The following CDH10 variants were observed in gnomAD, a reference collection of about 807,000 sequenced individuals.
CDH10 encodes the protein cadherin 10, also known as cadherin-10.
A neutral mutation model predicts 73.1 loss-of-function variants in CDH10; 30 were observed. The ratio of observed to expected loss-of-function variants is 0.41; its 90% confidence interval spans 0.31 to 0.56. The LOEUF (loss-of-function observed/expected upper bound fraction) is 0.56. Ranked by LOEUF, CDH10 falls within the 20% of genes least tolerant of loss-of-function variation. The pLI, the probability that CDH10 is intolerant of heterozygous loss-of-function variation, is 0.27. For synonymous variants in CDH10, 345 were observed against 348.2 expected (o/e 0.99, Z 0.10); for missense variants, 815 against 973.7 (o/e 0.84, Z 2.17).
chr5:24,610,843 T>C (rs1746919293), intron 1 of CDH10, among the ~76,000 whole-genome samples: 1 of 152,192 alleles, frequency 6.6e-6, no homozygotes, highest in Non-Finnish European at 1.5e-5. Flanking sequence ...CTTTAACTGA[T>C]GTCCTCCTAA....
chr5:24,527,761 T>C (rs1403308813), intron 5 of CDH10, among the ~76,000 whole-genome samples: 3 of 151,854 alleles, frequency 2.0e-5, no homozygotes, highest in Non-Finnish European at 4.4e-5. Flanking sequence ...AATGTCACTA[T>C]GGAGTGCATG....
At chr5:24,488,273 T>A in intron 11 of CDH10, 120 bp from the exon 12 acceptor site, 1 of 877,032 alleles carries the variant, frequency 1.1e-6, no homozygotes, top group Non-Finnish European at 1.7e-6. Flanking sequence ...GACTTTCAGA[T>A]TAATTTTGTG....
intron 1 of CDH10, among the ~76,000 whole-genome samples, chr5:24,596,117 T>C (rs1203181271): frequency 6.6e-6 from 1 of 151,984 alleles, no homozygotes. Context: ...TAGAAAATTA[T>C]ATGAAACAAA....
At chr5:24,575,254 CAGGAGG>C (rs377231036) in intron 2 of CDH10, among the ~76,000 whole-genome samples, 56,426 of 149,146 alleles carry the variant, frequency 0.38, 12,940 homozygotes, top group East Asian at 0.53. Flanking sequence ...CTTAGCTACT[CAGGAGG>C]CTGAGGCATG....
intron 8 of CDH10, among the ~76,000 whole-genome samples, chr5:24,502,117 T>C (rs2111708196): frequency 6.6e-6 from 1 of 151,926 alleles, no homozygotes; most frequent in South Asian, 2.1e-4. Context: ...AGAGAAGGGG[T>C]TTCACGGTGT....
rs758449342 is a variant in CDH10, at chr5:24,535,257, C to G, written c.669G>C (p.Pro223=). Residue 223 remains proline (P), a synonymous_variant, in exon 5 of 12, where the codon CCG becomes CCC. Coordinates refer to ENST00000264463, the MANE Select transcript of CDH10 (RefSeq NM_006727.5). ...PETGIIRTAL[P]NMNRENREQY... Reference sequence around the variant, plus strand: ...GCTCTCTGTTTTCTCTGTTCATGTTCGGTAAAGCAGTCCTGATGATACCTT... The same window carrying G: ...GCTCTCTGTTTTCTCTGTTCATGTTGGGTAAAGCAGTCCTGATGATACCTT... The G allele has an allele frequency of 1.2e-6, 2 of 1,612,592 alleles. No homozygotes were observed. Among genetic ancestry groups the G allele is most frequent in the African/African-American group, 1.3e-5 (1 of 74,732 alleles).
At chr5:24,610,211 C>T (rs1294988623) in intron 1 of CDH10, among the ~76,000 whole-genome samples, 1 of 152,140 alleles carries the variant, frequency 6.6e-6, no homozygotes, top group African/African-American at 2.4e-5. Flanking sequence ...TTCACAAATG[C>T]TAAATTAATT....
intron 2 of CDH10, among the ~76,000 whole-genome samples, chr5:24,581,714 T>C (rs1442857164): frequency 6.6e-6 from 1 of 152,142 alleles, no homozygotes; most frequent in Non-Finnish European, 1.5e-5. Flanking sequence ...CTTCAATACG[T>C]GGTTATAATC....
rs979822265 is a variant in CDH10 at position 24,644,690 on chromosome 5, T to G, written c.-220A>C. 1.3e-5 allele frequency: 2 copies of G among 152,136 alleles called. No individual in the cohort carries two copies. Among genetic ancestry groups the G allele is most frequent in the Non-Finnish European group, 2.9e-5 (2 of 68,036 alleles). The allele number at this position is 152,136 out of a possible 1,614,324, so 9.4% of individuals were successfully genotyped here. A position where few individuals can be genotyped will look rare whatever the true frequency, so the allele number is the denominator to read the frequency against. Reference sequence around the variant, plus strand: ...CCCCTTTTTGTTTGTTTTCGGCTGTTATTTTCTATCACTGATTCTACTTCA... The same window carrying G: ...CCCCTTTTTGTTTGTTTTCGGCTGTGATTTTCTATCACTGATTCTACTTCA... On this transcript the variant is annotated 5_prime_UTR_variant, in exon 1 of 12. Coordinates refer to ENST00000264463, the MANE Select transcript of CDH10 (RefSeq NM_006727.5).
intron 2 of CDH10, among the ~76,000 whole-genome samples, chr5:24,550,361 T>G (rs1744501081): frequency 6.6e-6 from 1 of 152,092 alleles, no homozygotes; most frequent in Admixed American, 6.6e-5. Flanking sequence ...ACATCCAGGC[T>G]TATACATCTG....
chr5:24,543,612 T>C (rs1276637452), intron 2 of CDH10, among the ~76,000 whole-genome samples: 2 of 152,158 alleles, frequency 1.3e-5, no homozygotes, highest in Non-Finnish European at 2.9e-5. Flanking sequence ...TCATTAGTAT[T>C]CTGCTCTAAT....
chr5:24,589,690 T>C (rs1746137035), intron 2 of CDH10, among the ~76,000 whole-genome samples: 1 of 152,132 alleles, frequency 6.6e-6, no homozygotes, highest in South Asian at 2.1e-4. Flanking sequence ...TACAGTTTAA[T>C]ATCATTATTT....
chr5:24,562,205 T>C (rs1253892191), intron 2 of CDH10, among the ~76,000 whole-genome samples: 2 of 152,086 alleles, frequency 1.3e-5, no homozygotes, highest in Non-Finnish European at 1.5e-5. Flanking sequence ...GCTAAAACTA[T>C]ATTCACAATT....
At chr5:24,534,595 C>T (rs1156923628) in intron 5 of CDH10, among the ~76,000 whole-genome samples, 1 of 152,054 alleles carries the variant, frequency 6.6e-6, no homozygotes, top group African/African-American at 2.4e-5. Context: ...CTAAGGTTGT[C>T]ACTCCACACA....
intron 2 of CDH10, among the ~76,000 whole-genome samples, chr5:24,591,673 G>A (rs1746203178): frequency 6.6e-6 from 1 of 151,750 alleles, no homozygotes; most frequent in African/African-American, 2.4e-5. Context: ...GATTCAGTCA[G>A]CTAAATAGTT....
chr5:24,585,610 G>A (rs879431794), intron 2 of CDH10, among the ~76,000 whole-genome samples: 11 of 152,080 alleles, frequency 7.2e-5, no homozygotes, highest in Non-Finnish European at 1.5e-4. Flanking sequence ...TTTTAGTAGA[G>A]ACAGGGTTTC....
At chr5:24,536,978 C>T (rs922111818) in intron 3 of CDH10, among the ~76,000 whole-genome samples, 5 of 151,686 alleles carry the variant, frequency 3.3e-5, no homozygotes, top group African/African-American at 4.8e-5. Context: ...TGAAATTTTT[C>T]GGTAAATTAT....
rs1746349388 is a variant in CDH10, at chr5:24,595,695, T to C, written c.-123-2082A>G. Among the ~76,000 whole-genome samples the C allele has an allele frequency of 2.0e-5, 3 of 151,974 alleles. No individual in the cohort carries two copies. In the South Asian group the frequency reaches 6.2e-4, roughly 31 times the overall value. On this transcript the variant is annotated intron_variant, in intron 1 of 11. Coordinates refer to ENST00000264463, the MANE Select transcript of CDH10 (RefSeq NM_006727.5). ...AGTTTGTGTAAGTGAGGGTTTCTGC[T>C]TTCTTCTACAAAAGCTTTAAAACCT...
chr5:24,630,305 T>C (rs963619540), intron 1 of CDH10, among the ~76,000 whole-genome samples: 1 of 151,970 alleles, frequency 6.6e-6, no homozygotes, highest in East Asian at 1.9e-4. Flanking sequence ...CCCAGCACTT[T>C]GTAATCCCAG....
Sources: allele counts gnomAD v4.1 joint callset (sites outside exome capture counted in the v4.1 genomes callset), GRCh38; gene constraint gnomAD v4.1.1; transcripts MANE v1.5; gene names NCBI Gene and HGNC (gene_info 2026-07-23, HGNC 2026-07-21).